Variants in ZNF728 observed in about 807,000 individuals in gnomAD.
ZNF728 encodes the protein zinc finger protein 728.
In ZNF728, 12 loss-of-function variants were observed where a neutral mutation model predicts 12.5. The observed-to-expected ratio is 0.96, with a 90% confidence interval of 0.61 to 1.55. The LOEUF (loss-of-function observed/expected upper bound fraction) is 1.55, where lower values mean the gene tolerates loss of function less well. Ranked by LOEUF, ZNF728 falls within the 40% of genes most tolerant of loss-of-function variation. The probability of loss-of-function intolerance (pLI) is 0.00; values close to 1 mark genes in which losing one functional copy is unlikely to be tolerated. For synonymous variants in ZNF728, 205 were observed against 240.7 expected (o/e 0.85, Z 1.37); for missense variants, 692 against 719.2 (o/e 0.96, Z 0.43).
intron 1 of ZNF728, 51 bp downstream of exon 1, chr19:23,002,977 T>C: frequency 6.3e-7 from 1 of 1,585,610 alleles, no homozygotes; most frequent in Non-Finnish European, 8.6e-7. Context: ...TTCCCACCGG[T>C]TCCAACCAGC....
At chr19:22,979,240 G>T (rs1289147774) in intron 3 of ZNF728, among the ~76,000 whole-genome samples, 1 of 152,042 alleles carries the variant, frequency 6.6e-6, no homozygotes, top group Non-Finnish European at 1.5e-5. Flanking sequence ...TAGCTGAATC[G>T]ATAAAGTGGA....
At chr19:22,984,577 TACACACACACACACACACAC>T (rs57794293) in intron 3 of ZNF728, among the ~76,000 whole-genome samples, 1 of 109,250 alleles carries the variant, frequency 9.2e-6, no homozygotes, top group African/African-American at 3.3e-5. Context: ...AAAAAAAAAA[TACACACACACACACACACAC>T]ACACACACAC....
intron 3 of ZNF728, among the ~76,000 whole-genome samples, chr19:22,982,406 G>A (rs893269596): frequency 3.3e-5 from 5 of 152,186 alleles, no homozygotes; most frequent in Non-Finnish European, 7.3e-5. Flanking sequence ...CTCATGGATA[G>A]GAAGAATCAA....
At chr19:22,988,579 A>C in intron 1 of ZNF728, 128 bp from the exon 2 acceptor site, 2 of 1,352,866 alleles carry the variant, frequency 1.5e-6, no homozygotes, top group East Asian at 2.3e-5. Flanking sequence ...GAAATCATTC[A>C]ATAAAATAGT....
rs1968781242 is a variant in ZNF728 at position 22,975,364 on chromosome 19, T to TA, written c.*103dup. The TA allele has an allele frequency of 3.7e-6, 4 of 1,074,156 alleles. No individual in the cohort carries two copies. In the South Asian group the frequency reaches 6.2e-5, roughly 17 times the overall value. The allele number at this position is 1,074,156 out of a possible 1,614,324, so 66.5% of individuals were successfully genotyped here. A position where few individuals can be genotyped will look rare whatever the true frequency, so the allele number is the denominator to read the frequency against. ...TGTTTAGTAAGGATTGAGGAACAGT[T>TA]AAAAAATTTGCCACATTCTTCACAT... On this transcript the variant is annotated 3_prime_UTR_variant, in exon 4 of 4. Transcript: ENST00000594710.
At chr19:22,978,302 T>TAAAAA (rs35513624) in intron 3 of ZNF728, among the ~76,000 whole-genome samples, 7 of 128,016 alleles carry the variant, frequency 5.5e-5, no homozygotes, top group African/African-American at 1.6e-4. Flanking sequence ...GTCAAAGTCC[T>TAAAAA]AAAAAAAAAA....
chr19:22,975,802 T>A lies in ZNF728; in HGVS notation c.1535A>T (p.Glu512Val). The A allele has an allele frequency of 6.2e-7, 1 of 1,612,418 alleles. No individual in the cohort carries two copies. Among genetic ancestry groups the A allele is most frequent in the African/African-American group, 1.3e-5 (1 of 75,040 alleles). Residue 512 changes from glutamate to valine, a missense_variant, in exon 4 of 4, where the codon GAA becomes GTA. By Grantham distance (121) the Glu-to-Val change is moderately radical. Transcript: ENST00000594710. ...AACCTTACTGAAGGCTTTGCCACAT[T>A]CTTCACATTTGTAGGGTTTCTCTCC... ...HTGEKPYKCE[E>V]CGKAFSKVAN...
intron 1 of ZNF728, among the ~76,000 whole-genome samples, chr19:22,989,717 T>C (rs1236536830): frequency 6.6e-6 from 1 of 152,202 alleles, no homozygotes; most frequent in Non-Finnish European, 1.5e-5. Context: ...TACAGATATC[T>C]CCCATGTTCT....
At chr19:22,997,742 A>G (rs78942001) in intron 1 of ZNF728, among the ~76,000 whole-genome samples, 23 of 151,732 alleles carry the variant, frequency 1.5e-4, no homozygotes, top group Non-Finnish European at 2.8e-4. Context: ...AAAAAAAAAA[A>G]GGAAATAAAC....
chr19:22,980,407 C>G (rs1431469026), intron 3 of ZNF728, among the ~76,000 whole-genome samples: 1 of 152,092 alleles, frequency 6.6e-6, no homozygotes, highest in African/African-American at 2.4e-5. Flanking sequence ...TACAAAGAGA[C>G]TTAGATTCCC....
intron 1 of ZNF728, chr19:22,995,734 G>A (rs1292240665): frequency 6.6e-6 from 1 of 152,196 alleles, no homozygotes; most frequent in Non-Finnish European, 1.5e-5. Context: ...ACTGCACCCA[G>A]CTCTCAGCAG....
intron 1 of ZNF728, among the ~76,000 whole-genome samples, chr19:22,991,486 T>C (rs1968987271): frequency 6.6e-6 from 1 of 152,188 alleles, no homozygotes; most frequent in African/African-American, 2.4e-5. Flanking sequence ...AAATTTTTAT[T>C]GTGTTTATAT....
rs1206201135 is a variant in ZNF728 at position 22,975,582 on chromosome 19, A to T, written c.1755T>A (p.Ile585=). 6.2e-7 allele frequency: 1 copy of T among 1,603,234 alleles called. No homozygotes were observed. The highest frequency in any genetic ancestry group is 1.3e-5 in the African/African-American group (1 of 74,422). The change falls in exon 4 of 4, where the codon ATT becomes ATA. Residue 585 remains isoleucine, a synonymous_variant. Coordinates refer to ENST00000594710, the MANE Select transcript of ZNF728 (RefSeq NM_001267716.2). ...WVSVLNKHKK[I]HAGKKFYKCE... ...ATTTGTAGAATTTCTTTCCAGCATG[A>T]ATTTTCTTATGTTTGTTAAGGACTG...
chr19:22,989,801 T>A (rs907844652), intron 1 of ZNF728, among the ~76,000 whole-genome samples: 15 of 151,826 alleles, frequency 9.9e-5, no homozygotes, highest in Non-Finnish European at 1.5e-4. Context: ...TAAATTTTTT[T>A]AGAATTTCCT....
chr19:22,988,114 C>T (rs2145342993), intron 2 of ZNF728, among the ~76,000 whole-genome samples: 1 of 152,218 alleles, frequency 6.6e-6, no homozygotes, highest in African/African-American at 2.4e-5. Flanking sequence ...CCCCTTCTCC[C>T]TATCTCCTTT....
At chr19:22,991,178 A>G (rs1335933486) in intron 1 of ZNF728, among the ~76,000 whole-genome samples, 1 of 152,228 alleles carries the variant, frequency 6.6e-6, no homozygotes, top group Non-Finnish European at 1.5e-5. Flanking sequence ...AGAAAGCAGC[A>G]ATTTCTGAGT....
chr19:22,998,628 C>T (rs1969074981), intron 1 of ZNF728, among the ~76,000 whole-genome samples: 1 of 152,108 alleles, frequency 6.6e-6, no homozygotes, highest in Admixed American at 6.5e-5. Flanking sequence ...TAGAGCTACT[C>T]ACAGAACTCA....
chr19:22,990,274 A>AT (rs1475138850), intron 1 of ZNF728, among the ~76,000 whole-genome samples: 3 of 151,748 alleles, frequency 2.0e-5, no homozygotes, highest in East Asian at 1.9e-4. Context: ...AAAAAAGGTC[A>AT]TTTTTTTCTC....
At chr19:23,002,853 C>T (rs1223143346) in intron 1 of ZNF728, among the ~76,000 whole-genome samples, 175 bp downstream of exon 1, 1 of 152,190 alleles carries the variant, frequency 6.6e-6, no homozygotes, top group Non-Finnish European at 1.5e-5. Flanking sequence ...GACCGGGTGT[C>T]AGCGCAGCCG....
Sources: allele counts gnomAD v4.1 joint callset (sites outside exome capture counted in the v4.1 genomes callset), GRCh38; gene constraint gnomAD v4.1.1; transcripts MANE v1.5; gene names NCBI Gene and HGNC (gene_info 2026-07-23, HGNC 2026-07-21).